The following UNC13A variants were observed in gnomAD, a reference collection of about 807,000 sequenced individuals.
The protein encoded by UNC13A is unc-13 homolog A.
In UNC13A, 61 loss-of-function variants were observed where a neutral mutation model predicts 219.7. The ratio of observed to expected loss-of-function variants is 0.28; its 90% CI spans 0.23 to 0.34. The LOEUF is 0.34. Ranked by LOEUF, UNC13A falls within the 10% of genes least tolerant of loss-of-function variation. UNC13A has a pLI of 1.00. For synonymous variants in UNC13A, 920 were observed against 884.6 expected (o/e 1.04, Z -0.71); for missense variants, 1,476 against 2,270.3 (o/e 0.65, Z 7.11).
chr19:17,636,180 C>T (rs766300163), intron 25 of UNC13A, 23 bp from the exon 26 acceptor site: 13 of 1,575,698 alleles, frequency 8.3e-6, no homozygotes, highest in Middle Eastern at 1.7e-4. Context: ...GTGGAGACCT[C>T]GGTTATAGGG....
At chr19:17,657,070 C>T (rs73528013) in intron 9 of UNC13A, among the ~76,000 whole-genome samples, 2,793 of 152,170 alleles carry the variant, frequency 0.018, 77 homozygotes, top group African/African-American at 0.063. Context: ...CTACCAGATG[C>T]TGTCTCCACA....
Position 17,611,821 on chromosome 19 carries a change from A to G in UNC13A, c.4593T>C (p.Ser1531=). ...GATGAGTGAACAGCTCAACATGGAC[A>G]GAGACTTCACCCACAGGGTCTTCTA... ...LGVEDPVGEV[S]VHVELFTHPG... is the part of the protein sequence containing the mutation. Residue 1531 remains serine, a synonymous_variant, in exon 42 of 44, where the codon TCT becomes TCC. Transcript: ENST00000519716. 1.2e-6 allele frequency: 2 copies of G among 1,614,172 alleles called. No homozygotes were observed. The highest frequency in any genetic ancestry group is 1.7e-6 in the Non-Finnish European group (2 of 1,179,976).
intron 30 of UNC13A, among the ~76,000 whole-genome samples, 192 bp from the exon 31 acceptor site, chr19:17,629,515 A>G (rs866128080): frequency 1.3e-5 from 2 of 152,184 alleles, no homozygotes; most frequent in Non-Finnish European, 2.9e-5. Context: ...CTCGATGAAG[A>G]TGATCATTTT....
At chr19:17,628,756 A>C (rs2076810702) in intron 31 of UNC13A, among the ~76,000 whole-genome samples, 1 of 152,104 alleles carries the variant, frequency 6.6e-6, no homozygotes, top group Non-Finnish European at 1.5e-5. Context: ...ACACACATTC[A>C]TGTTATACCC....
intron 28 of UNC13A, among the ~76,000 whole-genome samples, 168 bp from the exon 29 acceptor site, chr19:17,630,918 C>G (rs2076836553): frequency 6.6e-6 from 1 of 152,096 alleles, no homozygotes; most frequent in African/African-American, 2.4e-5. Context: ...TGCACTGAAC[C>G]TCAGTTACTT....
intron 28 of UNC13A, 113 bp downstream of exon 28, chr19:17,632,669 C>T (rs1386501524): frequency 6.6e-7 from 1 of 1,504,382 alleles, no homozygotes; most frequent in African/African-American, 1.4e-5. Flanking sequence ...AAGCCCCACC[C>T]ATGCCCCTGA....
chr19:17,639,436 C>T lies in UNC13A; in HGVS notation c.2946G>A (p.Lys982=). The change falls in exon 24 of 44, where the codon AAG becomes AAA. Residue 982 remains lysine, a splice_region_variant and synonymous_variant. Coordinates refer to ENST00000519716, the MANE Select transcript of UNC13A (RefSeq NM_001080421.3). The stretch of plus-strand genomic sequence containing the variant: ...CAAAGGCAACTGGATCCTTTCCTAC[C>T]TTCATCCGAAAGAAGGTGATGCTGG... ...LLTSITFFRM[K]VQELQSPPRA... is the part of the protein sequence containing the mutation. The T allele has an allele frequency of 6.2e-7, 1 of 1,612,244 alleles. No homozygotes were observed. The highest frequency in any genetic ancestry group is 8.5e-7 in the Non-Finnish European group (1 of 1,179,266).
chr19:17,609,420 C>T (rs1251142473), intron 43 of UNC13A, among the ~76,000 whole-genome samples: 1 of 151,686 alleles, frequency 6.6e-6, no homozygotes, highest in East Asian at 1.9e-4. Context: ...AGCCTGGGAT[C>T]CATCTACACT....
intron 5 of UNC13A, among the ~76,000 whole-genome samples, chr19:17,669,051 C>T (rs557821880): frequency 1.3e-5 from 2 of 152,312 alleles, no homozygotes; most frequent in South Asian, 2.1e-4. Flanking sequence ...CCCCCTTGGC[C>T]TCCCAAAGTG....
Position 17,666,678 on chromosome 19 carries a change from C to T in UNC13A, c.495G>A (p.Lys165=). The part of the protein sequence containing the change: ...DEYSFQDEQD[K]PLPVPSNQCC... ...ACTGGTTGCTGGGGACAGGCAGAGG[C>T]TTGTCTTGCTCATCTTGGAACGAAT... The change falls in exon 7 of 44, where the codon AAG becomes AAA. Residue 165 remains lysine, a synonymous_variant. Transcript: ENST00000519716. The T allele has an allele frequency of 6.5e-7, 1 of 1,528,858 alleles. No individual in the cohort carries two copies. The highest frequency in any genetic ancestry group is 2.5e-5 in the East Asian group (1 of 40,136). The allele number at this position is 1,528,858 out of a possible 1,614,324, so 94.7% of individuals were successfully genotyped here. A position where few individuals can be genotyped will look rare whatever the true frequency, so the allele number is the denominator to read the frequency against.
chr19:17,658,127 G>A lies in UNC13A; in HGVS notation c.702C>T (p.Gly234=). The change falls in exon 9 of 44, where the codon GGC becomes GGT. Residue 234 remains glycine, a synonymous_variant. Coordinates refer to ENST00000519716, the MANE Select transcript of UNC13A (RefSeq NM_001080421.3). ...TGGAGTCACTGTAGGACTCCCGGGA[G>A]CCCAGGGGTGGTGGGCGAACAGAAT... is the stretch of plus-strand genomic sequence containing the variant. ...HQYSVRPPPL[G]SRESYSDSMH... The A allele has an allele frequency of 8.7e-6, 14 of 1,613,912 alleles. No individual in the cohort carries two copies. Among genetic ancestry groups the A allele is most frequent in the Non-Finnish European group, 1.2e-5 (14 of 1,179,886 alleles).
At chr19:17,680,259 CGTCT>C (rs1211716664) in intron 1 of UNC13A, among the ~76,000 whole-genome samples, 1 of 152,180 alleles carries the variant, frequency 6.6e-6, no homozygotes, top group Non-Finnish European at 1.5e-5. Flanking sequence ...CCTGAGTCAC[CGTCT>C]TCGTCGTCAC....
At position 17,647,407 on chromosome 19, in the gene UNC13A, C is replaced by T. The variant is rs1419526767; in HGVS notation, c.1902G>A (p.Arg634=). 1.9e-6 allele frequency: 3 copies of T among 1,613,646 alleles called. No homozygotes were observed. The highest frequency in any genetic ancestry group is 2.7e-5 in the African/African-American group (2 of 74,868). ...IMVLKDRMKI[R]ERNKPEIFEL... ...CGAAGATCTCGGGCTTGTTGCGCTC[C>T]CGGATCTTCATGCGGTCCTTGAGCA... The change falls in exon 17 of 44, where the codon CGG becomes CGA. Residue 634 remains arginine (R), a synonymous_variant. Coordinates refer to ENST00000519716, the MANE Select transcript of UNC13A (RefSeq NM_001080421.3).
intron 8 of UNC13A, among the ~76,000 whole-genome samples, chr19:17,662,453 A>G (rs1905799266): frequency 6.6e-6 from 1 of 151,610 alleles, no homozygotes; most frequent in Admixed American, 6.6e-5. Context: ...TCATTATTTC[A>G]TTACATACTA....
At position 17,677,630 on chromosome 19, in the gene UNC13A, G is replaced by T. The variant is rs1281546524; in HGVS notation, c.23-1589C>A. 3.3e-5 allele frequency among the ~76,000 whole-genome samples: 5 copies of T among 152,270 alleles called. No individual in the cohort carries two copies. In the East Asian group the frequency reaches 9.7e-4, roughly 29 times the overall value. On this transcript the variant is annotated intron_variant, in intron 1 of 43. Coordinates refer to ENST00000519716, the MANE Select transcript of UNC13A (RefSeq NM_001080421.3). Reference sequence around the variant, plus strand: ...GATCCATCCGCCTTGGCCTCCCAAGGTGCTGGGATGACAGGTGTGAGCTGC... The same window carrying T: ...GATCCATCCGCCTTGGCCTCCCAAGTTGCTGGGATGACAGGTGTGAGCTGC...
At chr19:17,616,944 T>G (rs2076672268) in intron 41 of UNC13A, among the ~76,000 whole-genome samples, 1 of 152,130 alleles carries the variant, frequency 6.6e-6, no homozygotes, top group African/African-American at 2.4e-5. Flanking sequence ...CAGCCCCAGC[T>G]GCCGTGTGTG....
chr19:17,651,617 T>C (rs1256571668), intron 12 of UNC13A, among the ~76,000 whole-genome samples: 1 of 152,198 alleles, frequency 6.6e-6, no homozygotes, highest in African/African-American at 2.4e-5. Context: ...CAAAGCTTTC[T>C]GCAGGAGCCA....
At position 17,603,599 on chromosome 19, in the gene UNC13A, C is replaced by T. The variant is rs934064048; in HGVS notation, c.*2455G>A. On this transcript the variant is annotated 3_prime_UTR_variant, in exon 44 of 44. Coordinates refer to ENST00000519716, the MANE Select transcript of UNC13A (RefSeq NM_001080421.3). ...CTGTCTGAATTTAAGGGACATGCAA[C>T]ATCTCCAAGCAAATTAGAAAGTGGC... 3 of 152,250 alleles carry T rather than the reference C, an allele frequency of 2.0e-5. No homozygotes were observed. Among genetic ancestry groups the T allele is most frequent in the African/African-American group, 7.2e-5 (3 of 41,456 alleles). 9.4% of individuals were successfully genotyped at this position (152,250 alleles called of 1,614,324 possible).
intron 23 of UNC13A, 71 bp downstream of exon 23, chr19:17,639,769 G>T: frequency 6.4e-7 from 1 of 1,559,422 alleles, no homozygotes; most frequent in Non-Finnish European, 8.8e-7. Flanking sequence ...GCACACACCT[G>T]CTGGTAGCTT....
Sources: gnomAD v4.1 joint callset for allele counts (sites outside exome capture counted in the v4.1 genomes callset) on GRCh38, gnomAD v4.1.1 for gene constraint, MANE v1.5 for transcripts, NCBI Gene and HGNC (gene_info 2026-07-23, HGNC 2026-07-21) for gene names.